Variants in CROCC observed in about 807,000 individuals in gnomAD.
The protein encoded by CROCC is rootletin.
A neutral mutation model predicts 245.2 loss-of-function variants in CROCC; 180 were observed. That is an observed-to-expected ratio of 0.73 (90% confidence interval 0.65 to 0.83). The LOEUF (loss-of-function observed/expected upper bound fraction) is 0.83. Among genes scored for constraint, CROCC ranks in the 40% least tolerant of loss-of-function variants. CROCC has a pLI of 0.00. For missense variants in CROCC, 2,688 were observed against 2,779.4 expected (o/e 0.97, Z 0.74); for synonymous variants, 1,205 against 1,241.6 (o/e 0.97, Z 0.62).
At chr1:16,918,494 G>A (rs76479304), upstream of CROCC, among the ~76,000 whole-genome samples, 23,487 of 149,312 alleles carry the variant, frequency 0.16, no homozygotes, top group East Asian at 0.4. Flanking sequence ...CCTTAGGGCC[G>A]TGGTCAGGAG....
In CROCC at chr1:16,922,791, G is replaced by C. The variant is rs146380458; in HGVS notation, c.189G>C (p.Glu63Asp). The change falls in exon 2 of 37, where the codon GAG becomes GAC. Residue 63 changes from glutamate to aspartate, a missense_variant. Transcript: ENST00000375541. ...TCACCCGCAACCTCTCCCAGCCTGA[G>C]AGCCCAGGTGCCACCCCCATCCGCT... ...EIVTRNLSQP[E>D]SPVLLPATEM... 8 of 1,612,182 alleles carry C rather than the reference G, an allele frequency of 5.0e-6. No homozygotes were observed. The highest frequency in any genetic ancestry group is 6.8e-6 in the Non-Finnish European group (8 of 1,179,520).
rs560830205 is a variant in CROCC, at chr1:16,922,068, C to T, written c.50C>T (p.Thr17Met). The change falls in exon 1 of 37, where the codon ACG becomes ATG. Residue 17 changes from threonine to methionine, a missense_variant. By Grantham distance (81) the Thr-to-Met change is moderately conservative (BLOSUM62 -1). This residue lies in a region of CROCC where 972 missense variants were observed against 895.3 expected (regional missense o/e 1.09). Transcript: ENST00000375541. ...CAGGAGGTGGAGCTGACACTAGAGA[C>T]GGTTATCCAGGTGGGTCCTGGGGGC... ...GAQEVELTLE[T>M]VIQTLESSVL... 76 of 1,549,756 alleles carry T rather than the reference C, an allele frequency of 4.9e-5. No homozygotes were observed. In the Middle Eastern group the frequency reaches 6.7e-4, roughly 14 times the overall value.
At chr1:16,936,975 C>T (rs2075805098) in intron 9 of CROCC, 102 bp downstream of exon 9, 7 of 1,211,204 alleles carry the variant, frequency 5.8e-6, no homozygotes, top group Non-Finnish European at 7.1e-6. Context: ...GAAGGGCCTT[C>T]CTCTGTGAGC....
At chr1:16,926,728 T>C (rs2075543113) in intron 3 of CROCC, among the ~76,000 whole-genome samples, 1 of 152,064 alleles carries the variant, frequency 6.6e-6, no homozygotes, top group South Asian at 2.1e-4. Context: ...AAGGAGGGAG[T>C]GGTCACGCCT....
rs1570613856 is a variant in CROCC at position 16,933,917 on chromosome 1, C to T, written c.956+2520C>T. Among the ~76,000 whole-genome samples the T allele has an allele frequency of 2.0e-5, 3 of 152,398 alleles. No individual in the cohort carries two copies. The South Asian group carries it at 6.2e-4, about 32-fold the overall frequency. On this transcript the variant is annotated intron_variant, in intron 8 of 36. Coordinates refer to ENST00000375541, the MANE Select transcript of CROCC (RefSeq NM_014675.5). ...TTGTTCAGGAAACTGGGCTAGTTGT[C>T]CTTGGAGATTCTCATGGTCTGGATT...
chr1:16,948,320 G>A lies in CROCC; in HGVS notation c.2515-11G>A, dbSNP rs1480786939. On this transcript the variant is annotated splice_polypyrimidine_tract_variant and intron_variant, in intron 17 of 36. Transcript: ENST00000375541. ...GCTGGGAGTGCTACTCAGTCTCTGG[G>A]TGGGGGCCAGCTCTCCCGGCAGCTG... is the stretch of plus-strand genomic sequence containing the variant. 19 of 1,554,508 alleles carry A rather than the reference G, an allele frequency of 1.2e-5. No individual in the cohort carries two copies. Among genetic ancestry groups the A allele is most frequent in the Non-Finnish European group, 1.6e-5 (19 of 1,155,632 alleles).
chr1:16,947,028 A>G, intron 17 of CROCC, 37 bp downstream of exon 17: 1 of 1,516,570 alleles, frequency 6.6e-7, no homozygotes, highest in Non-Finnish European at 8.9e-7. Context: ...TGTGGAGAGC[A>G]TGTGGGGCAG....
chr1:16,957,742 G>GC lies in CROCC; in HGVS notation c.3865-834dup, dbSNP rs570568688. Among the ~76,000 whole-genome samples, 607 of 152,036 alleles carry GC rather than the reference G, an allele frequency of 4.0e-3. 4 individuals carry two copies. The highest frequency in any genetic ancestry group is 0.014 in the Middle Eastern group (4 of 294). On this transcript the variant is annotated intron_variant, in intron 25 of 36. Transcript: ENST00000375541. ...TTACAGGCATGAGCCACGATGCCTG[G>GC]CCCCCCCAAATTTTTTTAATTAAAA...
In CROCC at chr1:16,954,461, CAGGCTGTGGGAA is replaced by C. The variant is rs1399594678; in HGVS notation, c.3321+108_3321+119del. The C allele has an allele frequency of 6.9e-7, 1 of 1,451,128 alleles. No homozygotes were observed. Among genetic ancestry groups the C allele is most frequent in the African/African-American group, 1.4e-5 (1 of 70,430 alleles). 89.9% of individuals were successfully genotyped at this position (1,451,128 alleles called of 1,614,324 possible). On this transcript the variant is annotated intron_variant, in intron 22 of 36. Coordinates refer to ENST00000375541, the MANE Select transcript of CROCC (RefSeq NM_014675.5). The surrounding 1 kb of genome is among the most constrained non-coding windows in gnomAD (Gnocchi z 4.4). ...CATGGCCCTGTCCTGGAGAAGCTTC[CAGGCTGTGGGAA>C]AGGAGGTTTAGCCCTTCTTTTGGGA...
At chr1:16,928,896 G>A (rs557107817) in intron 3 of CROCC, among the ~76,000 whole-genome samples, 38 of 152,282 alleles carry the variant, frequency 2.5e-4, no homozygotes, top group Non-Finnish European at 4.9e-4. Flanking sequence ...GCACGATCTC[G>A]GCTCACTGCA....
At chr1:16,949,833 T>A (rs1422013122) in intron 19 of CROCC, among the ~76,000 whole-genome samples, 1 of 150,216 alleles carries the variant, frequency 6.7e-6, no homozygotes, top group African/African-American at 2.5e-5. Flanking sequence ...GCAATGGCAC[T>A]ATCTCGGCTC....
At chr1:16,930,799 C>T (rs2075658469) in intron 7 of CROCC, among the ~76,000 whole-genome samples, 1 of 152,300 alleles carries the variant, frequency 6.6e-6, no homozygotes, top group African/African-American at 2.4e-5. Flanking sequence ...CTTTATTCCT[C>T]ATGATAACTG....
intron 3 of CROCC, 70 bp downstream of exon 3, chr1:16,924,549 A>C: frequency 1.3e-6 from 2 of 1,560,004 alleles, no homozygotes; most frequent in African/African-American, 1.3e-5. Flanking sequence ...CATCTAGACC[A>C]GGCCCACACA....
intron 25 of CROCC, among the ~76,000 whole-genome samples, chr1:16,956,539 C>T (rs1365317203): frequency 6.6e-6 from 1 of 152,140 alleles, no homozygotes; most frequent in East Asian, 1.9e-4. Flanking sequence ...GCCACACAGT[C>T]TCTGTTGCAA....
chr1:16,925,796 G>A (rs1439105940), intron 3 of CROCC, among the ~76,000 whole-genome samples: 21 of 152,394 alleles, frequency 1.4e-4, no homozygotes, highest in African/African-American at 5.0e-4. Flanking sequence ...AGAGTAGGCG[G>A]CCCGCAGTGG....
rs753379299 is a variant in CROCC at position 16,958,581 on chromosome 1, A to C, written c.3865-2A>C. Reference sequence around the variant, plus strand: ...CCTGCTGCCATTCCCGTGCTCTCACAGATGAAGATGCTGGACAGTGAGAAC... The same window carrying C: ...CCTGCTGCCATTCCCGTGCTCTCACCGATGAAGATGCTGGACAGTGAGAAC... On this transcript the variant is annotated splice_acceptor_variant, in intron 25 of 36. Transcript: ENST00000375541. LOFTEE classifies it high-confidence loss of function. The C allele has an allele frequency of 6.4e-7, 1 of 1,551,086 alleles. No individual in the cohort carries two copies. Among genetic ancestry groups the C allele is most frequent in the South Asian group, 1.2e-5 (1 of 84,064 alleles).
Position 16,972,518 on chromosome 1 carries a change from C to G in CROCC, c.*72C>G, listed in dbSNP as rs924494485. The G allele has an allele frequency of 3.0e-5, 25 of 825,566 alleles. No individual in the cohort carries two copies. The highest frequency in any genetic ancestry group is 6.6e-5 in the South Asian group (3 of 45,206). The allele number at this position is 825,566 out of a possible 1,614,324, so 51.1% of individuals were successfully genotyped here. On this transcript the variant is annotated 3_prime_UTR_variant, in exon 37 of 37. Coordinates refer to ENST00000375541, the MANE Select transcript of CROCC (RefSeq NM_014675.5). ...GGACCCTTCTTTTGGACAGCCCCCC[C>G]ACCCAGAGCCCGGTCCCTTGGGGGC...
In CROCC at chr1:16,924,927, G is replaced by A. The variant is rs1286973372; in HGVS notation, c.351+448G>A. 4.6e-5 allele frequency among the ~76,000 whole-genome samples: 7 copies of A among 152,398 alleles called. No homozygotes were observed. In the South Asian group the frequency reaches 1.2e-3, roughly 27 times the overall value. On this transcript the variant is annotated intron_variant, in intron 3 of 36. Coordinates refer to ENST00000375541, the MANE Select transcript of CROCC (RefSeq NM_014675.5). ...CGCGGTGTTCTGCAGCCCATCTGGG[G>A]CAGCCACAAGACCTGCCGCCACTGC...
At chr1:16,939,315 CCCCCAAGGA>C (rs1170682942) in intron 12 of CROCC, among the ~76,000 whole-genome samples, 173 bp downstream of exon 12, 4 of 152,208 alleles carry the variant, frequency 2.6e-5, no homozygotes, top group African/African-American at 9.6e-5. Context: ...GGTGTCAGGA[CCCCCAAGGA>C]GGTGGCCGAG....
Sources: gnomAD v4.1 joint callset for allele counts (sites outside exome capture counted in the v4.1 genomes callset) on GRCh38, gnomAD v4.1.1 for gene constraint, gnomAD v4.1.1 regional missense constraint, Gnocchi (gnomAD v3.1) non-coding constraint, MANE v1.5 for transcripts, NCBI Gene and HGNC (gene_info 2026-07-23, HGNC 2026-07-21) for gene names.